The following PHC3 variants were observed in gnomAD, a reference collection of about 807,000 sequenced individuals.
PHC3 encodes polyhomeotic-like protein 3.
Under a neutral mutation model 107.4 loss-of-function variants are expected in PHC3, and 13 were observed. The ratio of observed to expected loss-of-function variants is 0.12; its 90% CI spans 0.08 to 0.19. PHC3 has a LOEUF of 0.19. Among genes scored for constraint, PHC3 ranks in the 10% least tolerant of loss-of-function variants. The pLI is 1.00. For missense variants in PHC3, 992 were observed against 1,210.9 expected (o/e 0.82, Z 2.68); for synonymous variants, 456 against 427.4 (o/e 1.07, Z -0.83).
At chr3:170,111,142 T>C (rs1278343283) in intron 11 of PHC3, among the ~76,000 whole-genome samples, 1 of 152,130 alleles carries the variant, frequency 6.6e-6, no homozygotes, top group Non-Finnish European at 1.5e-5. Context: ...AGGTATTATA[T>C]AACACCAAAG....
At chr3:170,111,420 A>AAG (rs1717739432) in intron 11 of PHC3, among the ~76,000 whole-genome samples, 1 of 149,264 alleles carries the variant, frequency 6.7e-6, no homozygotes, top group East Asian at 2.3e-4. Flanking sequence ...AAGGAAGGAA[A>AAG]GAAGGAAGGA....
At chr3:170,105,636 T>C (rs1716355892) in intron 12 of PHC3, among the ~76,000 whole-genome samples, 1 of 152,202 alleles carries the variant, frequency 6.6e-6, no homozygotes, top group South Asian at 2.1e-4. Context: ...TCTTAAACAT[T>C]TGTCTTTTCT....
intron 12 of PHC3, among the ~76,000 whole-genome samples, chr3:170,104,023 T>C (rs763079949): frequency 2.0e-5 from 3 of 152,094 alleles, no homozygotes; most frequent in Non-Finnish European, 4.4e-5. Context: ...TGAGCTGTGA[T>C]AGCGCCACTG....
chr3:170,098,300 TGA>T (rs760419715), intron 14 of PHC3, among the ~76,000 whole-genome samples: 7 of 152,170 alleles, frequency 4.6e-5, no homozygotes, highest in African/African-American at 1.7e-4. Flanking sequence ...GAAGCTTTCT[TGA>T]GAGACAGTAA....
At chr3:170,170,096 A>G (rs1471200130) in intron 4 of PHC3, 1 of 152,146 alleles carries the variant, frequency 6.6e-6, no homozygotes, top group Admixed American at 6.6e-5. Flanking sequence ...CAACAAAAAA[A>G]ACCACAGCTA....
At chr3:170,137,798 C>T (rs576343310) in intron 6 of PHC3, among the ~76,000 whole-genome samples, 1 of 152,320 alleles carries the variant, frequency 6.6e-6, no homozygotes, top group African/African-American at 2.4e-5. Flanking sequence ...ACTCAGAAGG[C>T]TGAGGCAGGA....
chr3:170,098,216 A>T (rs140587023), intron 14 of PHC3, among the ~76,000 whole-genome samples: 24 of 152,276 alleles, frequency 1.6e-4, no homozygotes, highest in African/African-American at 5.5e-4. Context: ...CAATAAACTT[A>T]CCCATTAAGG....
chr3:170,150,442 T>A (rs1241547851), intron 4 of PHC3, among the ~76,000 whole-genome samples: 1 of 150,734 alleles, frequency 6.6e-6, no homozygotes. Flanking sequence ...ACGCCTGTAA[T>A]TCCAGCACTT....
intron 4 of PHC3, among the ~76,000 whole-genome samples, chr3:170,151,129 T>C (rs1725898786): frequency 6.6e-6 from 1 of 152,080 alleles, no homozygotes; most frequent in African/African-American, 2.4e-5. Context: ...GAGAATCGCT[T>C]GAACCCGGGA....
chr3:170,128,846 A>C lies in PHC3; in HGVS notation c.1626T>G (p.Ile542Met). The part of the protein sequence containing the change: ...SMQSLQVQPE[I>M]LSQGQVLVQN... ...GCACCAAAACCTGGCCCTGGGACAG[A>C]ATTTCAGGCTGCACTTGTAAAGACT... The change falls in exon 8 of 15, where the codon ATT becomes ATG. Residue 542 changes from isoleucine to methionine, a missense_variant. Ile to Met is a conservative substitution (Grantham distance 10). Around this residue, in one of 6 missense-constraint regions of PHC3, gnomAD observed 543 missense variants for 590.8 expected, o/e 0.92. Coordinates refer to ENST00000495893, the MANE Select transcript of PHC3 (RefSeq NM_024947.4). The C allele has an allele frequency of 6.2e-7, 1 of 1,614,036 alleles. No individual in the cohort carries two copies. The highest frequency in any genetic ancestry group is 8.5e-7 in the Non-Finnish European group (1 of 1,179,898).
chr3:170,161,581 G>A (rs1333545168), intron 4 of PHC3, among the ~76,000 whole-genome samples: 2 of 152,206 alleles, frequency 1.3e-5, no homozygotes, highest in African/African-American at 4.8e-5. Flanking sequence ...GAGCTCAGGC[G>A]ATAATGCTTG....
chr3:170,112,881 AT>A (rs1483268594), intron 11 of PHC3, among the ~76,000 whole-genome samples: 3 of 152,192 alleles, frequency 2.0e-5, no homozygotes, highest in African/African-American at 7.2e-5. Context: ...CGTTGAACAA[AT>A]GTAACCACCT....
intron 2 of PHC3, among the ~76,000 whole-genome samples, chr3:170,177,170 T>G (rs760627578): frequency 6.6e-6 from 1 of 152,174 alleles, no homozygotes; most frequent in African/African-American, 2.4e-5. Context: ...CTTCGTAACA[T>G]ATCTACATAC....
chr3:170,128,266 A>G, intron 8 of PHC3: 1 of 902,302 alleles, frequency 1.1e-6, no homozygotes, highest in Non-Finnish European at 1.4e-6. Context: ...ATAAAACTAA[A>G]AGGGTTAGGC....
intron 4 of PHC3, among the ~76,000 whole-genome samples, chr3:170,153,134 C>G (rs762983596): frequency 6.6e-6 from 1 of 152,176 alleles, no homozygotes; most frequent in Non-Finnish European, 1.5e-5. Flanking sequence ...TCAGCATGTT[C>G]AAACAGCAAA....
rs543392491 is a variant in PHC3, at chr3:170,138,975, G to A, written c.673-2310C>T. Among the ~76,000 whole-genome samples, 160 of 151,142 alleles carry A rather than the reference G, an allele frequency of 1.1e-3. 1 individual carries two copies. Among genetic ancestry groups the A allele is most frequent in the African/African-American group, 3.5e-3 (143 of 41,252 alleles). On this transcript the variant is annotated intron_variant, in intron 6 of 14. Transcript: ENST00000495893. ...AGCCAAACCCATTCTTCCAAGCCCA[G>A]TAAAATCCCTCTTTCCCTACTTAAG... is the stretch of plus-strand genomic sequence containing the variant.
At chr3:170,160,807 T>C (rs1263411630) in intron 4 of PHC3, among the ~76,000 whole-genome samples, 1 of 152,112 alleles carries the variant, frequency 6.6e-6, no homozygotes, top group Non-Finnish European at 1.5e-5. Flanking sequence ...CTCAGGAGGC[T>C]GAGGGAGGAG....
At chr3:170,159,500 A>C (rs1727505683) in intron 4 of PHC3, among the ~76,000 whole-genome samples, 1 of 152,164 alleles carries the variant, frequency 6.6e-6, no homozygotes, top group African/African-American at 2.4e-5. Context: ...AAGATAAAGG[A>C]TCAATCCAGA....
At chr3:170,117,003 T>C (rs1719131818) in intron 10 of PHC3, 2 of 527,614 alleles carry the variant, frequency 3.8e-6, no homozygotes, top group Non-Finnish European at 6.6e-6. Context: ...TGTCCTGAAA[T>C]TTTTTTCATT....
Sources: allele counts gnomAD v4.1 joint callset (sites outside exome capture counted in the v4.1 genomes callset), GRCh38; gene constraint gnomAD v4.1.1; regional missense constraint gnomAD v4.1.1; transcripts MANE v1.5; gene names NCBI Gene and HGNC (gene_info 2026-07-23, HGNC 2026-07-21).